The following POMK variants were observed in gnomAD, a reference collection of about 807,000 sequenced individuals.
The protein encoded by POMK is Sugen kinase 196.
In POMK, 19 loss-of-function variants were observed where a neutral mutation model predicts 23.0. The observed-to-expected ratio is 0.83, with a 90% CI of 0.58 to 1.21. The LOEUF (loss-of-function observed/expected upper bound fraction) is 1.21. Ranked by LOEUF, POMK falls within the 50% of genes most tolerant of loss-of-function variation. POMK has a pLI of 0.00. For synonymous variants in POMK, 173 were observed against 171.6 expected (o/e 1.01, Z -0.06); for missense variants, 410 against 431.3 (o/e 0.95, Z 0.44).
chr8:43,113,846 C>T (rs1420132196), intron 4 of POMK, among the ~76,000 whole-genome samples: 1 of 152,260 alleles, frequency 6.6e-6, no homozygotes, highest in Non-Finnish European at 1.5e-5. Flanking sequence ...CCCTCAGCTG[C>T]AGGTCTGTTG....
intron 4 of POMK, among the ~76,000 whole-genome samples, chr8:43,114,372 C>G (rs1353913474): frequency 6.6e-6 from 1 of 152,226 alleles, no homozygotes; most frequent in Non-Finnish European, 1.5e-5. Context: ...GACTGCTGTG[C>G]TAGCAATCAG....
At chr8:43,109,173 C>T (rs1158362758) in intron 4 of POMK, among the ~76,000 whole-genome samples, 1 of 152,138 alleles carries the variant, frequency 6.6e-6, no homozygotes, top group African/African-American at 2.4e-5. Context: ...ACGTTTAAAA[C>T]ATTGGATATT....
intron 2 of POMK, 111 bp from the exon 3 acceptor site, chr8:43,102,394 G>A (rs1240637194): frequency 6.5e-6 from 1 of 152,794 alleles, no homozygotes; most frequent in African/African-American, 2.4e-5. Flanking sequence ...ACCTGGACTT[G>A]AGGCAGGAGG....
intron 4 of POMK, among the ~76,000 whole-genome samples, chr8:43,111,418 G>T (rs1030005360): frequency 3.9e-5 from 6 of 152,250 alleles, no homozygotes; most frequent in Non-Finnish European, 7.3e-5. Flanking sequence ...AAACAAAGCA[G>T]CTGGGAAGCT....
chr8:43,112,700 A>G (rs183991776), intron 4 of POMK, among the ~76,000 whole-genome samples: 2,069 of 152,358 alleles, frequency 0.014, 30 homozygotes, highest in Non-Finnish European at 0.02. Context: ...AGCCCATCAG[A>G]CTAATAGCGG....
intron 4 of POMK, among the ~76,000 whole-genome samples, chr8:43,107,744 G>GCACCACA (rs1281955948): frequency 6.6e-6 from 1 of 151,238 alleles, no homozygotes; most frequent in Non-Finnish European, 1.5e-5. Context: ...GCAGTGGTGT[G>GCACCACA]ATTGTGGCTT....
At chr8:43,116,424 C>A (rs184925963) in intron 4 of POMK, among the ~76,000 whole-genome samples, 100 of 152,218 alleles carry the variant, frequency 6.6e-4, no homozygotes, top group Non-Finnish European at 1.2e-3. Flanking sequence ...GCCACCATGC[C>A]TGGCTAATTA....
intron 4 of POMK, among the ~76,000 whole-genome samples, chr8:43,113,506 A>G (rs2130614628): frequency 6.6e-6 from 1 of 152,210 alleles, no homozygotes; most frequent in Non-Finnish European, 1.5e-5. Flanking sequence ...CTAGTTATAC[A>G]TTCATCTAAA....
At chr8:43,116,400 G>A (rs1811799458) in intron 4 of POMK, among the ~76,000 whole-genome samples, 1 of 152,108 alleles carries the variant, frequency 6.6e-6, no homozygotes, top group Non-Finnish European at 1.5e-5. Flanking sequence ...GAGTAACTGG[G>A]ACCACAGGCG....
In POMK at chr8:43,103,839, G is replaced by A. The variant is rs779331401; in HGVS notation, c.282+9G>A. On this transcript the variant is annotated intron_variant, in intron 4 of 4. Transcript: ENST00000331373. Reference sequence around the variant, plus strand: ...AAGGAGCTGTAAAGAGAGTGAGTCCGGGTTCATTTGCGATTGCTGTCATCC... The same window carrying A: ...AAGGAGCTGTAAAGAGAGTGAGTCCAGGTTCATTTGCGATTGCTGTCATCC... The A allele has an allele frequency of 6.2e-6, 10 of 1,612,912 alleles. No individual in the cohort carries two copies. The highest frequency in any genetic ancestry group is 4.5e-5 in the East Asian group (2 of 44,868).
rs145691693 is a variant in POMK, at chr8:43,118,778, C to G, written c.283-3329C>G. Among the ~76,000 whole-genome samples, 245 of 152,268 alleles carry G rather than the reference C, an allele frequency of 1.6e-3. 1 individual carries two copies. The highest frequency in any genetic ancestry group is 5.8e-3 in the African/African-American group (239 of 41,560). On this transcript the variant is annotated intron_variant, in intron 4 of 4. Transcript: ENST00000331373. Reference sequence around the variant, plus strand: ...AATGAGGGATCAGGAGCCCTGGGGCCTGTGGCTGAGCCTCCCCAACTTACT... The same window carrying G: ...AATGAGGGATCAGGAGCCCTGGGGCGTGTGGCTGAGCCTCCCCAACTTACT...
chr8:43,103,155 C>G (rs1811476860), intron 3 of POMK, among the ~76,000 whole-genome samples: 1 of 152,244 alleles, frequency 6.6e-6, no homozygotes, highest in Admixed American at 6.5e-5. Flanking sequence ...CAGCCTCCTT[C>G]TGCTGTCCTT....
Position 43,112,823 on chromosome 8 carries a change from C to A in POMK, c.282+8993C>A, listed in dbSNP as rs905978800. ...CATATCCAGCCAAACTAAGCTTCAT[C>A]AGTGAAGGAGAAATAAAATACTTTA... On this transcript the variant is annotated intron_variant, in intron 4 of 4. Coordinates refer to ENST00000331373, the MANE Select transcript of POMK (RefSeq NM_032237.5). Among the ~76,000 whole-genome samples, 68 of 152,180 alleles carry A rather than the reference C, an allele frequency of 4.5e-4. No individual in the cohort carries two copies. In the East Asian group the frequency reaches 5.4e-3, roughly 12 times the overall value.
At chr8:43,107,288 A>T (rs1811562408) in intron 4 of POMK, among the ~76,000 whole-genome samples, 1 of 152,190 alleles carries the variant, frequency 6.6e-6, no homozygotes, top group South Asian at 2.1e-4. Context: ...TATTTTTATT[A>T]AAACAAATCA....
chr8:43,112,938 C>T lies in POMK; in HGVS notation c.282+9108C>T, dbSNP rs189998503. On this transcript the variant is annotated intron_variant, in intron 4 of 4. Coordinates refer to ENST00000331373, the MANE Select transcript of POMK (RefSeq NM_032237.5). ...AGCGCTAAACATGGAAAGGAACAACCGGTACCAGCCACTGCAAAATCATGC... is the reference window on the plus strand; with the variant it reads ...AGCGCTAAACATGGAAAGGAACAACTGGTACCAGCCACTGCAAAATCATGC... 1.1e-4 allele frequency among the ~76,000 whole-genome samples: 16 copies of T among 152,266 alleles called. No individual in the cohort carries two copies. In the East Asian group the frequency reaches 1.7e-3, roughly 16 times the overall value.
chr8:43,119,704 TACAGGCG>T (rs1180160048), intron 4 of POMK, among the ~76,000 whole-genome samples: 1 of 152,146 alleles, frequency 6.6e-6, no homozygotes, highest in Non-Finnish European at 1.5e-5. Flanking sequence ...GTGCTGGGAT[TACAGGCG>T]TGAGCCACCG....
Position 43,112,051 on chromosome 8 carries a change from A to T in POMK, c.282+8221A>T, listed in dbSNP as rs1389105536. Among the ~76,000 whole-genome samples the T allele has an allele frequency of 3.3e-5, 5 of 152,314 alleles. No homozygotes were observed. The East Asian group carries it at 9.6e-4, about 29-fold the overall frequency. On this transcript the variant is annotated intron_variant, in intron 4 of 4. Coordinates refer to ENST00000331373, the MANE Select transcript of POMK (RefSeq NM_032237.5). ...GAACGCAGCTCCTCACCAGCAATGG[A>T]ACAAAACTGGACGGAGAATGACTTT... is the stretch of plus-strand genomic sequence containing the variant.
intron 4 of POMK, among the ~76,000 whole-genome samples, chr8:43,115,122 C>T (rs1811770242): frequency 6.6e-6 from 1 of 152,180 alleles, no homozygotes; most frequent in Admixed American, 6.5e-5. Context: ...ATGTTTGAGG[C>T]TATATTTAAT....
chr8:43,111,943 T>G (rs201468505), intron 4 of POMK, among the ~76,000 whole-genome samples: 22 of 147,062 alleles, frequency 1.5e-4, no homozygotes, highest in Admixed American at 2.0e-4. Context: ...AGACCAAAAG[T>G]AGATAAAACC....
Sources: allele counts gnomAD v4.1 joint callset (sites outside exome capture counted in the v4.1 genomes callset), GRCh38; gene constraint gnomAD v4.1.1; transcripts MANE v1.5; gene names NCBI Gene and HGNC (gene_info 2026-07-23, HGNC 2026-07-21).